ST7: variants seen among roughly 807,000 people sequenced by gnomAD.
The protein encoded by ST7 is suppression of tumorigenicity 7.
A neutral mutation model predicts 78.7 loss-of-function variants in ST7; 28 were observed. The ratio of observed to expected loss-of-function variants is 0.36; its 90% CI spans 0.26 to 0.49. ST7 has a LOEUF of 0.49. ST7 is among the 20% of genes least tolerant of loss of function. The probability of loss-of-function intolerance (pLI) is 0.99; values close to 1 mark genes in which losing one functional copy is unlikely to be tolerated. For missense variants in ST7, 418 were observed against 696.0 expected, an observed-to-expected ratio of 0.60 and a Z score of 4.49; for synonymous variants, 247 against 249.6, an observed-to-expected ratio of 0.99 and a Z score of 0.10.
At chr7:116,985,257 T>C (rs545141831) in intron 1 of ST7, among the ~76,000 whole-genome samples, 1 of 152,170 alleles carries the variant, frequency 6.6e-6, no homozygotes, top group East Asian at 1.9e-4. Context: ...ACTAAAAAAA[T>C]GATGAGATGG....
intron 1 of ST7, among the ~76,000 whole-genome samples, chr7:117,018,657 T>C (rs557032551): frequency 5.9e-5 from 9 of 152,338 alleles, no homozygotes; most frequent in African/African-American, 2.2e-4. Flanking sequence ...AGTATATCAT[T>C]CACCACCTGT....
At chr7:117,025,773 A>T (rs1425883957) in intron 1 of ST7, among the ~76,000 whole-genome samples, 5 of 152,168 alleles carry the variant, frequency 3.3e-5, no homozygotes, top group African/African-American at 1.2e-4. Flanking sequence ...GATAACACAC[A>T]TTCTGATGTG....
Position 117,211,380 on chromosome 7 carries a change from T to A in ST7, c.1405+1443T>A, listed in dbSNP as rs184511318. 4.5e-4 allele frequency among the ~76,000 whole-genome samples: 69 copies of A among 152,342 alleles called. 1 individual carries two copies. Among genetic ancestry groups the A allele is most frequent in the African/African-American group, 1.5e-3 (61 of 41,586 alleles). On this transcript the variant is annotated intron_variant, in intron 13 of 15. Coordinates refer to ENST00000323984, the MANE Select transcript of ST7 (RefSeq NM_001369598.1). ...GAGCATGGTCATGATTCCTTCTGGC[T>A]TGTGCTTCCTGTTGTATGTAAGATG...
intron 1 of ST7, among the ~76,000 whole-genome samples, chr7:117,000,743 G>A (rs1050033417): frequency 6.6e-6 from 1 of 152,216 alleles, no homozygotes; most frequent in Non-Finnish European, 1.5e-5. Context: ...GCTTTGCCTT[G>A]TTGCAATGAC....
chr7:117,149,421 T>A (rs1192761954), intron 9 of ST7, among the ~76,000 whole-genome samples: 1 of 152,108 alleles, frequency 6.6e-6, no homozygotes, highest in Non-Finnish European at 1.5e-5. Flanking sequence ...GATTTCTTAT[T>A]GTTCCATGGA....
intron 1 of ST7, among the ~76,000 whole-genome samples, chr7:117,011,138 G>A (rs1584444144): frequency 6.6e-6 from 1 of 152,148 alleles, no homozygotes; most frequent in African/African-American, 2.4e-5. Flanking sequence ...AGTATTTTGT[G>A]TGTGTGTGTG....
intron 2 of ST7, among the ~76,000 whole-genome samples, chr7:117,106,916 G>A (rs984667526): frequency 6.6e-6 from 1 of 152,172 alleles, no homozygotes; most frequent in South Asian, 2.1e-4. Flanking sequence ...CACTGTGCCT[G>A]GCCCATTGTA....
At chr7:116,994,767 T>C (rs2116404366) in intron 1 of ST7, among the ~76,000 whole-genome samples, 2 of 152,334 alleles carry the variant, frequency 1.3e-5, no homozygotes, top group South Asian at 4.1e-4. Context: ...GAGAAGTATT[T>C]AGCTGTGGAA....
At chr7:117,119,914 T>A (rs1803222917) in intron 3 of ST7, among the ~76,000 whole-genome samples, 194 bp downstream of exon 3, 1 of 151,530 alleles carries the variant, frequency 6.6e-6, no homozygotes, top group African/African-American at 2.4e-5. Context: ...AGGAAATGCT[T>A]ATCTTATTAA....
intron 9 of ST7, among the ~76,000 whole-genome samples, chr7:117,163,025 G>A (rs1427118887): frequency 6.6e-6 from 1 of 152,130 alleles, no homozygotes; most frequent in East Asian, 1.9e-4. Flanking sequence ...AACATGCAGT[G>A]ATTAACTTTC....
At chr7:116,986,332 A>C (rs968811334) in intron 1 of ST7, among the ~76,000 whole-genome samples, 1 of 152,208 alleles carries the variant, frequency 6.6e-6, no homozygotes, top group African/African-American at 2.4e-5. Flanking sequence ...GGTGGTGGTC[A>C]TGTAGGATAA....
intron 1 of ST7, among the ~76,000 whole-genome samples, chr7:116,965,453 G>A (rs1391129699): frequency 6.6e-6 from 1 of 152,058 alleles, no homozygotes; most frequent in Non-Finnish European, 1.5e-5. Flanking sequence ...AATACCTAAT[G>A]CATGCGAGGC....
At chr7:117,188,011 T>A (rs1809425921) in intron 10 of ST7, among the ~76,000 whole-genome samples, 1 of 152,164 alleles carries the variant, frequency 6.6e-6, no homozygotes, top group Admixed American at 6.5e-5. Context: ...GGTGGTGACA[T>A]TTTGCTTGAA....
At chr7:116,971,299 C>T (rs1198217113) in intron 1 of ST7, among the ~76,000 whole-genome samples, 1 of 152,204 alleles carries the variant, frequency 6.6e-6, no homozygotes, top group African/African-American at 2.4e-5. Flanking sequence ...CTTTTAGAGA[C>T]AGCAGCTTCA....
At chr7:117,148,268 G>A (rs1208355311) in intron 9 of ST7, among the ~76,000 whole-genome samples, 2 of 152,044 alleles carry the variant, frequency 1.3e-5, no homozygotes, top group African/African-American at 4.8e-5. Context: ...AGTATATAAT[G>A]TCTCTTATAT....
At chr7:116,964,153 A>C (rs1306686481) in intron 1 of ST7, among the ~76,000 whole-genome samples, 1 of 152,142 alleles carries the variant, frequency 6.6e-6, no homozygotes, top group Non-Finnish European at 1.5e-5. Context: ...TCATATCTGG[A>C]GTTATTGTGT....
At chr7:117,109,065 C>G (rs1563087973) in intron 2 of ST7, among the ~76,000 whole-genome samples, 3 of 152,174 alleles carry the variant, frequency 2.0e-5, no homozygotes, top group Non-Finnish European at 2.9e-5. Flanking sequence ...GTTTGACTTC[C>G]TCTTTACCGA....
intron 1 of ST7, among the ~76,000 whole-genome samples, chr7:117,038,681 G>A (rs1051460519): frequency 6.6e-6 from 1 of 152,142 alleles, no homozygotes; most frequent in African/African-American, 2.4e-5. Context: ...TATAAATGTG[G>A]ATAAACATGT....
intron 9 of ST7, among the ~76,000 whole-genome samples, chr7:117,154,719 G>A (rs969045896): frequency 9.9e-5 from 15 of 152,204 alleles, no homozygotes; most frequent in Non-Finnish European, 1.5e-5. Flanking sequence ...TACTTTAGTT[G>A]TTCCTCTATA....
Sources: gnomAD v4.1 joint callset for allele counts (sites outside exome capture counted in the v4.1 genomes callset) on GRCh38, gnomAD v4.1.1 for gene constraint, MANE v1.5 for transcripts, NCBI Gene and HGNC (gene_info 2026-07-23, HGNC 2026-07-21) for gene names.